Variants in DCAF8L2 observed in about 807,000 individuals in gnomAD.
DCAF8L2 encodes DDB1- and CUL4-associated factor 8-like protein 2.
For synonymous variants in DCAF8L2, 200 were observed against 190.9 expected (o/e 1.05, Z -0.39); for missense variants, 430 against 490.7 (o/e 0.88, Z 1.17).
chrX:27,684,385 G>A (rs1424115291), intron 3 of DCAF8L2, among the ~76,000 whole-genome samples: 1 of 111,894 alleles, frequency 8.9e-6, no homozygotes, highest in African/African-American at 3.2e-5. Flanking sequence ...AAAGACTAAA[G>A]CAGAATTTTA....
At chrX:27,483,054 T>G in the DCAF8L2 span, among the ~76,000 whole-genome samples, 4 of 111,878 alleles carry the variant, frequency 3.6e-5, no homozygotes, top group East Asian at 8.4e-4. Flanking sequence ...TGGCAATTGC[T>G]TTTGTAGAGA....
chrX:27,478,468 T>C, the DCAF8L2 span, among the ~76,000 whole-genome samples: 9 of 112,049 alleles, frequency 8.0e-5, no homozygotes, highest in African/African-American at 2.3e-4. Context: ...CATAAAGAGT[T>C]TGGATTACAT....
the DCAF8L2 span, among the ~76,000 whole-genome samples, chrX:27,502,090 A>G: frequency 9.4e-6 from 1 of 106,159 alleles, no homozygotes; most frequent in Non-Finnish European, 1.9e-5. Flanking sequence ...GGAGGCTAAG[A>G]TGGGTGGATC....
intron 1 of DCAF8L2, among the ~76,000 whole-genome samples, chrX:27,609,808 A>T (rs1443050584): frequency 2.7e-5 from 3 of 111,984 alleles, no homozygotes; most frequent in Middle Eastern, 9.3e-3. Flanking sequence ...AAATAATAGA[A>T]TTCTGGCACC....
rs1350264353 is a variant in DCAF8L2 at position 27,747,518 on chromosome X, C to T, written c.623C>T (p.Ala208Val). The T allele has an allele frequency of 2.5e-6, 3 of 1,179,613 alleles. No homozygotes were observed. The highest frequency in any genetic ancestry group is 3.4e-6 in the Non-Finnish European group (3 of 879,135). The change falls in exon 5 of 5, where the codon GCC becomes GTC. Residue 208 changes from alanine to valine, a missense_variant. Transcript: ENST00000451261. ...TCACGTCCCCGCTTTGTATATGAGG[C>T]CTGTGGGGCAAGAGCCTTTGTGCAG... is the stretch of plus-strand genomic sequence containing the variant. Reference protein sequence around the residue: ...LGSRPRFVYEACGARAFVQRF... With the variant: ...LGSRPRFVYEVCGARAFVQRF...
the DCAF8L2 span, among the ~76,000 whole-genome samples, chrX:27,488,890 G>A: frequency 9.2e-6 from 1 of 109,234 alleles, no homozygotes; most frequent in Admixed American, 9.8e-5. Flanking sequence ...TGGTCTTCAA[G>A]CGATCCTCCC....
intron 4 of DCAF8L2, among the ~76,000 whole-genome samples, chrX:27,737,993 A>G (rs2147330431): frequency 8.9e-6 from 1 of 111,826 alleles, no homozygotes; most frequent in East Asian, 2.8e-4. Flanking sequence ...GCGATACAGC[A>G]TTTTAGAAAT....
the DCAF8L2 span, among the ~76,000 whole-genome samples, chrX:27,548,081 A>G: frequency 9.0e-6 from 1 of 110,501 alleles, no homozygotes; most frequent in African/African-American, 3.3e-5. Flanking sequence ...TAGCAGTGTG[A>G]GAATGGACTA....
At chrX:27,531,401 G>C in the DCAF8L2 span, among the ~76,000 whole-genome samples, 1 of 111,549 alleles carries the variant, frequency 9.0e-6, no homozygotes, top group African/African-American at 3.3e-5. Flanking sequence ...GACACATGGG[G>C]ACTCTTACAA....
At chrX:27,547,867 C>CTT in the DCAF8L2 span, among the ~76,000 whole-genome samples, 24 of 62,654 alleles carry the variant, frequency 3.8e-4, no homozygotes, top group South Asian at 5.1e-3. Context: ...CTCTCTCTCT[C>CTT]TCTTTCTCTC....
the DCAF8L2 span, among the ~76,000 whole-genome samples, chrX:27,520,422 G>A: frequency 9.0e-6 from 1 of 111,457 alleles, no homozygotes; most frequent in Non-Finnish European, 1.9e-5. Flanking sequence ...GTAATCAATG[G>A]CAAGTGCAGA....
intron 4 of DCAF8L2, among the ~76,000 whole-genome samples, chrX:27,725,946 A>C (rs1043286367): frequency 9.0e-6 from 1 of 111,537 alleles, no homozygotes. Context: ...TTTTCTGACA[A>C]TAATGTAGCT....
intron 2 of DCAF8L2, among the ~76,000 whole-genome samples, chrX:27,662,449 A>ATATTTTC (rs1491504066): frequency 1.8e-5 from 2 of 111,811 alleles, no homozygotes; most frequent in Admixed American, 9.5e-5. Context: ...CCATACACAC[A>ATATTTTC]TATTTTCTTT....
chrX:27,512,976 CAAT>C, the DCAF8L2 span, among the ~76,000 whole-genome samples: 2 of 109,958 alleles, frequency 1.8e-5, no homozygotes, highest in East Asian at 5.7e-4. Context: ...ACAAAAATGC[CAAT>C]AACAGACATG....
chrX:27,622,532 GATAA>G (rs768749671), intron 1 of DCAF8L2, among the ~76,000 whole-genome samples: 15 of 111,526 alleles, frequency 1.3e-4, no homozygotes, highest in African/African-American at 4.3e-4. Context: ...AAGTAAAATT[GATAA>G]ATAAATTGTA....
intron 2 of DCAF8L2, among the ~76,000 whole-genome samples, chrX:27,675,060 T>C (rs775684161): frequency 1.8e-5 from 2 of 112,147 alleles, no homozygotes; most frequent in African/African-American, 3.2e-5. Context: ...TTTTTTATCA[T>C]TTAAAGTCAA....
chrX:27,705,826 G>C (rs758727270), intron 3 of DCAF8L2, among the ~76,000 whole-genome samples: 2 of 111,654 alleles, frequency 1.8e-5, no homozygotes, highest in East Asian at 5.6e-4. Context: ...TTTTTGTTGC[G>C]ATTGTTTTTG....
chrX:27,541,687 A>T, the DCAF8L2 span, among the ~76,000 whole-genome samples: 57 of 110,907 alleles, frequency 5.1e-4, no homozygotes, highest in African/African-American at 1.9e-3. Context: ...TTTTATTTTT[A>T]TAATTTCAAC....
At chrX:27,547,871 T>TTCTG in the DCAF8L2 span, among the ~76,000 whole-genome samples, 3 of 19,276 alleles carry the variant, frequency 1.6e-4, no homozygotes, top group Non-Finnish European at 2.9e-4. Context: ...CTCTCTCTCT[T>TTCTG]TCTCTCTCTC....
Sources: gnomAD v4.1 joint callset for allele counts (sites outside exome capture counted in the v4.1 genomes callset) on GRCh38, gnomAD v4.1.1 for gene constraint, MANE v1.5 for transcripts, NCBI Gene and HGNC (gene_info 2026-07-23, HGNC 2026-07-21) for gene names.